Variants in INPP5J observed in about 807,000 individuals in gnomAD.
The protein encoded by INPP5J is phosphatidylinositol 4,5-bisphosphate 5-phosphatase A.
Under a neutral mutation model 86.6 loss-of-function variants are expected in INPP5J, and 75 were observed. The observed-to-expected ratio is 0.87, with a 90% CI of 0.72 to 1.05. INPP5J has a LOEUF of 1.05. Ranked by LOEUF, INPP5J falls within the 50% of genes least tolerant of loss-of-function variation. The probability of loss-of-function intolerance (pLI) is 0.00; values close to 1 mark genes in which losing one functional copy is unlikely to be tolerated. For missense variants in INPP5J, 1,229 were observed against 1,341.2 expected (o/e 0.92, Z 1.31); for synonymous variants, 540 against 550.0 (o/e 0.98, Z 0.25).
At chr22:31,122,773 C>T, upstream of INPP5J, 1 of 432,926 alleles carries the variant, frequency 2.3e-6, no homozygotes, top group Non-Finnish European at 4.0e-6. Context: ...CCAGTTGGGA[C>T]CTGGGCCAGG....
chr22:31,128,373 C>T lies in INPP5J; in HGVS notation c.2009+50C>T, dbSNP rs573988357. The T allele has an allele frequency of 2.2e-5, 34 of 1,563,284 alleles. 1 individual carries two copies. The highest frequency in any genetic ancestry group is 3.3e-4 in the Middle Eastern group (2 of 6,008). On this transcript the variant is annotated intron_variant, in intron 8 of 12. Coordinates refer to ENST00000331075, the MANE Select transcript of INPP5J (RefSeq NM_001284285.2). The stretch of plus-strand genomic sequence containing the variant: ...GAGGGGAAGTGGGCTGAGGTCTTCT[C>T]GAACAGGGAGACTTTGGGAAGAGGG...
intron 1 of INPP5J, chr22:31,124,411 G>A: frequency 1.3e-6 from 1 of 747,434 alleles, no homozygotes; most frequent in Non-Finnish European, 1.6e-6. Flanking sequence ...AAAAAGAAAA[G>A]AAACAGGCTG....
At chr22:31,131,562 C>CA (rs34912731) in intron 9 of INPP5J, among the ~76,000 whole-genome samples, 2,597 of 129,332 alleles carry the variant, frequency 0.02, 63 homozygotes, top group African/African-American at 0.056. Flanking sequence ...GACTCTGTCT[C>CA]AAAAAAAAAA....
At position 31,128,013 on chromosome 22, in the gene INPP5J, A is replaced by G. The variant is rs1172537947; in HGVS notation, c.1850A>G (p.Lys617Arg). The change falls in exon 7 of 13, where the codon AAG (lysine) becomes AGG (arginine). Residue 617 changes from lysine to arginine, a missense_variant. Physicochemically the swap from Lys to Arg is conservative, Grantham distance 26. Transcript: ENST00000331075. ...GAGAGCTATGACCTGCACTTTGTCA[A>G]GTTTGCCATCGACAGTGACCAGCTC... ...RIESYDLHFVKFAIDSDQLHQ... is the reference protein window; with the variant it reads ...RIESYDLHFVRFAIDSDQLHQ... The G allele has an allele frequency of 1.2e-6, 2 of 1,612,886 alleles. No homozygotes were observed. Among genetic ancestry groups the G allele is most frequent in the African/African-American group, 1.3e-5 (1 of 74,554 alleles).
rs533261241 is a variant in INPP5J, at chr22:31,126,512, C to G, written c.1385+23C>G. ...AGGGTGAGGTGGCAGGGCATGTGGACCCCCTCCTGAGCCCCTCGGGCCTTC... is the reference window on the plus strand; with the variant it reads ...AGGGTGAGGTGGCAGGGCATGTGGAGCCCCTCCTGAGCCCCTCGGGCCTTC... On this transcript the variant is annotated intron_variant, in intron 3 of 12. Transcript: ENST00000331075. 4 of 1,608,620 alleles carry G rather than the reference C, an allele frequency of 2.5e-6. No homozygotes were observed. The African/African-American group carries it at 4.0e-5, about 16-fold the overall frequency.
chr22:31,131,548 G>A (rs1368613356), intron 9 of INPP5J, among the ~76,000 whole-genome samples: 1 of 150,938 alleles, frequency 6.6e-6, no homozygotes, highest in Non-Finnish European at 1.5e-5. Context: ...GGGCTACAGA[G>A]CGAGACTCTG....
Position 31,133,679 on chromosome 22 carries a change from C to A in INPP5J, c.2479C>A (p.His827Asn). The change falls in exon 12 of 13, where the codon CAC (histidine) becomes AAC (asparagine). Residue 827 changes from histidine to asparagine, a missense_variant. Transcript: ENST00000331075. ...DFILGYYSHN[H>N]SILIGITEPF... ...CATCCTGGGCTACTATAGTCACAACCACAGCATCCTCATCGGCATCACTGA... is the reference window on the plus strand; with the variant it reads ...CATCCTGGGCTACTATAGTCACAACAACAGCATCCTCATCGGCATCACTGA... The A allele has an allele frequency of 6.2e-7, 1 of 1,613,266 alleles. No individual in the cohort carries two copies. Among genetic ancestry groups the A allele is most frequent in the Non-Finnish European group, 8.5e-7 (1 of 1,179,584 alleles).
Position 31,126,781 on chromosome 22 carries a change from G to A in INPP5J, c.1494+60G>A, listed in dbSNP as rs1178142289. On this transcript the variant is annotated intron_variant, in intron 4 of 12. Coordinates refer to ENST00000331075, the MANE Select transcript of INPP5J (RefSeq NM_001284285.2). ...CCCTGCTGAATTCCTGGCTCCAGCT[G>A]TACCCTGGCTCACTGTGGGGCCCGC... 2.0e-6 allele frequency: 3 copies of A among 1,520,040 alleles called. No homozygotes were observed. The African/African-American group carries it at 4.1e-5, about 21-fold the overall frequency. The allele number at this position is 1,520,040 out of a possible 1,614,324, so 94.2% of individuals were successfully genotyped here.
Position 31,126,731 on chromosome 22 carries a change from C to T in INPP5J, c.1494+10C>T, listed in dbSNP as rs927868341. 2 of 1,600,676 alleles carry T rather than the reference C, an allele frequency of 1.2e-6. No homozygotes were observed. The highest frequency in any genetic ancestry group is 1.7e-6 in the Non-Finnish European group (2 of 1,167,878). ...CTTCAACTTCGTGCTGGTAACGCACCCCTCACCCCCTGGACAGCCAGAGAC... is the reference window on the plus strand; with the variant it reads ...CTTCAACTTCGTGCTGGTAACGCACTCCTCACCCCCTGGACAGCCAGAGAC... On this transcript the variant is annotated intron_variant, in intron 4 of 12. Transcript: ENST00000331075.
At position 31,134,383 on chromosome 22, in the gene INPP5J, C is replaced by A; in HGVS notation, c.2985C>A (p.Gly995=). The A allele has an allele frequency of 6.8e-7, 1 of 1,481,116 alleles. No homozygotes were observed. The allele number at this position is 1,481,116 out of a possible 1,614,324, so 91.7% of individuals were successfully genotyped here. Residue 995 remains glycine (G), a synonymous_variant, in exon 13 of 13, where the codon GGC becomes GGA. Coordinates refer to ENST00000331075, the MANE Select transcript of INPP5J (RefSeq NM_001284285.2). ...APNSLSPSPQ[G]HRGLEEGGLG... ...ACAGCCTGTCTCCTAGTCCCCAGGG[C>A]CATCGGGGGCTGGAGGAAGGGGGCC...
At chr22:31,127,851 T>C in intron 6 of INPP5J, 100 bp from the exon 7 acceptor site, 1 of 756,230 alleles carries the variant, frequency 1.3e-6, no homozygotes, top group Non-Finnish European at 2.3e-6. Flanking sequence ...CCCCTCGGGT[T>C]GGATGGGCTG....
chr22:31,128,919 T>G (rs1322830823), intron 9 of INPP5J, among the ~76,000 whole-genome samples: 9 of 145,316 alleles, frequency 6.2e-5, no homozygotes, highest in Non-Finnish European at 1.0e-4. Flanking sequence ...TCAGAGCCCA[T>G]GCCTTTTCTT....
chr22:31,133,602 C>A lies in INPP5J; in HGVS notation c.2410-8C>A, dbSNP rs752010965. 1.3e-5 allele frequency: 21 copies of A among 1,606,686 alleles called. No individual in the cohort carries two copies. The highest frequency in any genetic ancestry group is 1.8e-5 in the Non-Finnish European group (21 of 1,175,096). ...CCCAACTTAGGCTTATACCCCTGGG[C>A]CTACCAGGTAACATTCAGTGAGGAA... On this transcript the variant is annotated splice_polypyrimidine_tract_variant and splice_region_variant and intron_variant, in intron 11 of 12. Coordinates refer to ENST00000331075, the MANE Select transcript of INPP5J (RefSeq NM_001284285.2).
At chr22:31,128,797 A>C (rs1921766412) in intron 9 of INPP5J, 143 bp downstream of exon 9, 1 of 747,736 alleles carries the variant, frequency 1.3e-6, no homozygotes, top group South Asian at 2.1e-5. Context: ...ATGGGGTTGC[A>C]ATCTACATTT....
At position 31,133,850 on chromosome 22, in the gene INPP5J, G is replaced by A. The variant is rs369625726; in HGVS notation, c.2515-63G>A. On this transcript the variant is annotated intron_variant, in intron 12 of 12. Coordinates refer to ENST00000331075, the MANE Select transcript of INPP5J (RefSeq NM_001284285.2). Reference sequence around the variant, plus strand: ...TGCCAACGAGAGAGGCAGACCTCGGGAGGTCAGGCCTCAGTGGCTGGGTTG... The same window carrying A: ...TGCCAACGAGAGAGGCAGACCTCGGAAGGTCAGGCCTCAGTGGCTGGGTTG... The A allele has an allele frequency of 1.5e-3, 2,463 of 1,599,630 alleles. 59 individuals are homozygous for A. In the South Asian group the frequency reaches 0.026, roughly 17 times the overall value.
chr22:31,128,412 TG>T (rs1349467683), intron 8 of INPP5J, 58 bp from the exon 9 acceptor site: 1 of 1,590,752 alleles, frequency 6.3e-7, no homozygotes, highest in African/African-American at 1.3e-5. Flanking sequence ...GGAGGCAAGG[TG>T]GAGGGTTACA....
rs551456215 is a variant in INPP5J, at chr22:31,133,934, T to C, written c.2536T>C (p.Leu846=). The change falls in exon 13 of 13, where the codon TTG becomes CTG. Residue 846 remains leucine, a synonymous_variant. Transcript: ENST00000331075. The part of the protein sequence containing the change: ...PFQISLPSSE[L]ASSSTDSSGT... ...CCAGATCTCGCTGCCTTCCTCGGAGTTGGCCAGCAGCAGCACAGACAGCTC... is the reference window on the plus strand; with the variant it reads ...CCAGATCTCGCTGCCTTCCTCGGAGCTGGCCAGCAGCAGCACAGACAGCTC... The C allele has an allele frequency of 2.5e-6, 4 of 1,611,858 alleles. No homozygotes were observed. The highest frequency in any genetic ancestry group is 2.7e-5 in the African/African-American group (2 of 74,942).
chr22:31,130,806 C>T (rs1191649750), intron 9 of INPP5J, among the ~76,000 whole-genome samples: 1 of 152,142 alleles, frequency 6.6e-6, no homozygotes, highest in Non-Finnish European at 1.5e-5. Flanking sequence ...ATTGAGGTTC[C>T]TGGTTGCCGA....
rs566541336 is a variant in INPP5J, at chr22:31,134,503, T to C, written c.*84T>C. 10 of 1,323,838 alleles carry C rather than the reference T, an allele frequency of 7.6e-6. No individual in the cohort carries two copies. In the South Asian group the frequency reaches 1.7e-4, roughly 23 times the overall value. 82.0% of individuals were successfully genotyped at this position (1,323,838 alleles called of 1,614,324 possible). On this transcript the variant is annotated 3_prime_UTR_variant, in exon 13 of 13. Transcript: ENST00000331075. The stretch of plus-strand genomic sequence containing the variant: ...CCACCTGCCTCTCTCCTGCTGCTCC[T>C]CCAGCTGTATCTGCACCTGCCTCTC...
Sources: gnomAD v4.1 joint callset for allele counts (sites outside exome capture counted in the v4.1 genomes callset) on GRCh38, gnomAD v4.1.1 for gene constraint, MANE v1.5 for transcripts, NCBI Gene and HGNC (gene_info 2026-07-23, HGNC 2026-07-21) for gene names.